Variants in TCF7L1 observed in about 807,000 individuals in gnomAD.
TCF7L1 encodes the protein transcription factor 7-like 1.
In TCF7L1, 18 loss-of-function variants were observed where a neutral mutation model predicts 63.7. That is an observed-to-expected ratio of 0.28 (90% confidence interval 0.20 to 0.42). The LOEUF (loss-of-function observed/expected upper bound fraction) is 0.42. Among genes scored for constraint, TCF7L1 ranks in the 10% least tolerant of loss-of-function variants. The pLI is 1.00. For synonymous variants in TCF7L1, 355 were observed against 340.9 expected (o/e 1.04, Z -0.46); for missense variants, 654 against 779.3 (o/e 0.84, Z 1.91).
intron 8 of TCF7L1, among the ~76,000 whole-genome samples, chr2:85,305,794 C>T (rs892654262): frequency 1.3e-5 from 2 of 152,082 alleles, no homozygotes; most frequent in South Asian, 2.1e-4. Flanking sequence ...CCTTACCTTG[C>T]CCGTGTACCA....
chr2:85,246,185 A>G (rs2104330336), intron 3 of TCF7L1, among the ~76,000 whole-genome samples: 1 of 152,362 alleles, frequency 6.6e-6, no homozygotes, highest in East Asian at 1.9e-4. Flanking sequence ...GGACATCTCA[A>G]CACAGTTGGG....
intron 3 of TCF7L1, among the ~76,000 whole-genome samples, chr2:85,239,416 A>G (rs1395745181): frequency 3.3e-5 from 5 of 151,894 alleles, no homozygotes; most frequent in Non-Finnish European, 7.4e-5. Flanking sequence ...TTTCTCCTCT[A>G]TGTGCAAACT....
At chr2:85,290,935 C>T (rs1558658090) in intron 4 of TCF7L1, among the ~76,000 whole-genome samples, 1 of 152,256 alleles carries the variant, frequency 6.6e-6, no homozygotes, top group Non-Finnish European at 1.5e-5. Context: ...CCCTGGGCGG[C>T]AGCCACACCT....
chr2:85,270,832 A>G (rs1379964935), intron 3 of TCF7L1, among the ~76,000 whole-genome samples: 1 of 151,880 alleles, frequency 6.6e-6, no homozygotes, highest in Non-Finnish European at 1.5e-5. Context: ...TGGGACTACA[A>G]GCGTGCGCCA....
chr2:85,279,034 G>T (rs1332449888), intron 3 of TCF7L1, among the ~76,000 whole-genome samples: 1 of 152,202 alleles, frequency 6.6e-6, no homozygotes, highest in Non-Finnish European at 1.5e-5. Context: ...ACACATCTTC[G>T]CTGTGGGCTG....
At chr2:85,169,685 G>A (rs1273325207) in intron 3 of TCF7L1, among the ~76,000 whole-genome samples, 1 of 152,126 alleles carries the variant, frequency 6.6e-6, no homozygotes, top group African/African-American at 2.4e-5. Flanking sequence ...TTTTAACCAA[G>A]GCTGTATTTT....
At chr2:85,148,124 T>A (rs1246191329) in intron 3 of TCF7L1, among the ~76,000 whole-genome samples, 1 of 151,744 alleles carries the variant, frequency 6.6e-6, no homozygotes, top group African/African-American at 2.4e-5. Context: ...TTAGGGAGAG[T>A]GAGACGCTGG....
chr2:85,285,470 C>T (rs1183390260), intron 4 of TCF7L1, among the ~76,000 whole-genome samples: 1 of 152,010 alleles, frequency 6.6e-6, no homozygotes, highest in Non-Finnish European at 1.5e-5. Flanking sequence ...GCAAGGATGA[C>T]AGTGGAAGGA....
In TCF7L1 at chr2:85,301,312, C is replaced by A. The variant is rs184288860; in HGVS notation, c.526-1172C>A. ...CGTGTCCCAGGCTAAGTCATGTAATCTTTCTGGGCTGTTCCCTCATCTCTG... is the reference window on the plus strand; with the variant it reads ...CGTGTCCCAGGCTAAGTCATGTAATATTTCTGGGCTGTTCCCTCATCTCTG... On this transcript the variant is annotated intron_variant, in intron 4 of 11. Transcript: ENST00000282111. Among the ~76,000 whole-genome samples, 432 of 152,246 alleles carry A rather than the reference C, an allele frequency of 2.8e-3. 1 individual carries two copies. The highest frequency in any genetic ancestry group is 9.5e-3 in the South Asian group (46 of 4,822).
intron 3 of TCF7L1, among the ~76,000 whole-genome samples, chr2:85,150,236 C>CTT (rs777018512): frequency 4.9e-5 from 7 of 142,226 alleles, no homozygotes; most frequent in Admixed American, 7.1e-5. Flanking sequence ...GTTCTTGACT[C>CTT]TTTTTTTTTT....
Position 85,283,561 on chromosome 2 carries a change from C to T in TCF7L1, c.508C>T (p.Pro170Ser). 5 of 1,614,214 alleles carry T rather than the reference C, an allele frequency of 3.1e-6. No individual in the cohort carries two copies. Among genetic ancestry groups the T allele is most frequent in the Non-Finnish European group, 4.2e-6 (5 of 1,180,032 alleles). Reference sequence around the variant, plus strand: ...CGCCACAGTCAAGGACACGAGGTCACCATCTCCAGCACACTTGGTAAGTCT... The same window carrying T: ...CGCCACAGTCAAGGACACGAGGTCATCATCTCCAGCACACTTGGTAAGTCT... Reference protein sequence around the residue: ...SSATVKDTRSPSPAHLSNKVP... With the variant: ...SSATVKDTRSSSPAHLSNKVP... The change falls in exon 4 of 12, where the codon CCA (proline) becomes TCA (serine). Residue 170 changes from proline (P) to serine (S), a missense_variant. By Grantham distance (74) the Pro-to-Ser change is moderately conservative. This residue lies in a region of TCF7L1 where 404 missense variants were observed against 454.8 expected (regional missense o/e 0.89). Coordinates refer to ENST00000282111, the MANE Select transcript of TCF7L1 (RefSeq NM_031283.3).
At chr2:85,282,154 T>A (rs1335160283) in intron 3 of TCF7L1, among the ~76,000 whole-genome samples, 3 of 152,024 alleles carry the variant, frequency 2.0e-5, no homozygotes, top group Admixed American at 2.0e-4. Flanking sequence ...CACCCAGCTA[T>A]TTTTTGTTTT....
At chr2:85,193,286 C>T (rs932449734) in intron 3 of TCF7L1, among the ~76,000 whole-genome samples, 6 of 152,250 alleles carry the variant, frequency 3.9e-5, no homozygotes, top group African/African-American at 1.4e-4. Flanking sequence ...AGCTGAGGAG[C>T]CAAAGTCTCA....
Position 85,245,848 on chromosome 2 carries a change from A to AC in TCF7L1, c.442-37646dup, listed in dbSNP as rs1680452421. Among the ~76,000 whole-genome samples, 5 of 150,986 alleles carry AC rather than the reference A, an allele frequency of 3.3e-5. No homozygotes were observed. The South Asian group carries it at 1.0e-3, about 31-fold the overall frequency. On this transcript the variant is annotated intron_variant, in intron 3 of 11. Coordinates refer to ENST00000282111, the MANE Select transcript of TCF7L1 (RefSeq NM_031283.3). ...ATTAATTAATTAAAAAAAAAAAAAA[A>AC]CAGACCAACAGTTGCCCATAGACCA...
At chr2:85,260,107 G>A (rs140257988) in intron 3 of TCF7L1, among the ~76,000 whole-genome samples, 127 of 152,320 alleles carry the variant, frequency 8.3e-4, no homozygotes, top group African/African-American at 2.9e-3. Context: ...CTGGAGGGCA[G>A]GCCTTCCAAA....
At chr2:85,173,753 C>CTTTCTTTTTTTTTTTTTTTTT (rs1320127308) in intron 3 of TCF7L1, among the ~76,000 whole-genome samples, 8 of 144,674 alleles carry the variant, frequency 5.5e-5, no homozygotes, top group African/African-American at 2.0e-4. Context: ...CTTTTTTTTT[C>CTTTCTTTTTTTTTTTTTTTTT]TGAGACGGAG....
chr2:85,214,464 C>G (rs553814431), intron 3 of TCF7L1, among the ~76,000 whole-genome samples: 1 of 152,142 alleles, frequency 6.6e-6, no homozygotes, highest in Non-Finnish European at 1.5e-5. Context: ...AATTGGGAGC[C>G]TTGATTTGAC....
At chr2:85,211,272 A>C (rs1009085092) in intron 3 of TCF7L1, among the ~76,000 whole-genome samples, 11 of 152,330 alleles carry the variant, frequency 7.2e-5, no homozygotes, top group African/African-American at 2.6e-4. Context: ...GACTATCAAC[A>C]ATATGTACAT....
At chr2:85,135,851 C>A (rs1677580460) in intron 3 of TCF7L1, among the ~76,000 whole-genome samples, 1 of 149,830 alleles carries the variant, frequency 6.7e-6, no homozygotes, top group African/African-American at 2.5e-5. Flanking sequence ...ATGTAAGTGT[C>A]AGTTTTGCAG....
Sources: gnomAD v4.1 joint callset for allele counts (sites outside exome capture counted in the v4.1 genomes callset) on GRCh38, gnomAD v4.1.1 for gene constraint, gnomAD v4.1.1 regional missense constraint, MANE v1.5 for transcripts, NCBI Gene and HGNC (gene_info 2026-07-23, HGNC 2026-07-21) for gene names.